The following DNAJC11 variants were observed in gnomAD, a reference collection of about 807,000 sequenced individuals.
DNAJC11 encodes DnaJ heat shock protein family (Hsp40) member C11.
DNAJC11 carries 15 observed loss-of-function variants against 78.6 expected under a neutral mutation model. The observed-to-expected ratio is 0.19, with a 90% CI of 0.13 to 0.29. DNAJC11 has a LOEUF of 0.29. Among genes scored for constraint, DNAJC11 ranks in the 10% least tolerant of loss-of-function variants. The pLI is 1.00. For synonymous variants in DNAJC11, 292 were observed against 272.1 expected (o/e 1.07, Z -0.72); for missense variants, 547 against 709.6 (o/e 0.77, Z 2.60).
chr1:6,682,797 G>A (rs527622755), intron 1 of DNAJC11, among the ~76,000 whole-genome samples: 6 of 152,226 alleles, frequency 3.9e-5, no homozygotes, highest in South Asian at 2.1e-4. Flanking sequence ...GCGTGGAGGC[G>A]CTTGCCTGTG....
intron 4 of DNAJC11, among the ~76,000 whole-genome samples, chr1:6,666,390 T>C (rs1354257662): frequency 3.8e-4 from 41 of 107,290 alleles, no homozygotes; most frequent in South Asian, 2.3e-3. Flanking sequence ...CTTTTCTTTT[T>C]TTTTTTTTTT....
chr1:6,646,097 GCTCCCAGT>G, intron 7 of DNAJC11, 119 bp from the exon 8 acceptor site: 2 of 993,108 alleles, frequency 2.0e-6, no homozygotes, highest in African/African-American at 1.6e-5. Context: ...CCCTGGGCCA[GCTCCCAGT>G]AAAAAAAAAA....
chr1:6,654,091 A>C (rs1358515514), intron 4 of DNAJC11, 52 bp from the exon 5 acceptor site: 1 of 1,599,512 alleles, frequency 6.3e-7, no homozygotes, highest in Non-Finnish European at 8.5e-7. Flanking sequence ...TGTGGAATGA[A>C]AGACAATGCT....
At chr1:6,643,499 T>A (rs1048089071) in intron 10 of DNAJC11, among the ~76,000 whole-genome samples, 1 of 151,908 alleles carries the variant, frequency 6.6e-6, no homozygotes, top group Non-Finnish European at 1.5e-5. Context: ...ATGGTCTCAA[T>A]CTCCTGACCT....
chr1:6,643,497 A>T (rs141211443), intron 10 of DNAJC11, among the ~76,000 whole-genome samples: 127 of 151,762 alleles, frequency 8.4e-4, no homozygotes, highest in African/African-American at 1.3e-3. Context: ...GGATGGTCTC[A>T]ATCTCCTGAC....
At chr1:6,649,102 C>G (rs1642012893) in intron 7 of DNAJC11, among the ~76,000 whole-genome samples, 1 of 152,204 alleles carries the variant, frequency 6.6e-6, no homozygotes, top group Admixed American at 6.5e-5. Context: ...AAGCAATCCT[C>G]CCACCTTGGC....
chr1:6,686,264 ATG>A (rs1642654110), intron 1 of DNAJC11, among the ~76,000 whole-genome samples: 1 of 152,244 alleles, frequency 6.6e-6, no homozygotes, highest in African/African-American at 2.4e-5. Context: ...TAACTTAAGA[ATG>A]TAATAACTTA....
intron 4 of DNAJC11, among the ~76,000 whole-genome samples, chr1:6,665,008 C>T (rs1205551935): frequency 2.6e-5 from 4 of 152,202 alleles, no homozygotes; most frequent in Non-Finnish European, 5.9e-5. Context: ...GCAAACCCCT[C>T]TGAGCTGAGG....
chr1:6,696,775 C>A (rs1642845645), intron 1 of DNAJC11, among the ~76,000 whole-genome samples: 1 of 152,182 alleles, frequency 6.6e-6, no homozygotes, highest in Non-Finnish European at 1.5e-5. Flanking sequence ...TTAACAACTT[C>A]ATTTTTTACT....
chr1:6,654,260 A>G lies in DNAJC11; in HGVS notation c.379-221T>C, dbSNP rs190765529. 4.7e-4 allele frequency: 208 copies of G among 438,962 alleles called. 1 individual carries two copies. Among genetic ancestry groups the G allele is most frequent in the Admixed American group, 4.6e-4 (12 of 26,166 alleles). The allele number at this position is 438,962 out of a possible 1,614,324, so 27.2% of individuals were successfully genotyped here. On this transcript the variant is annotated intron_variant, in intron 4 of 15. Coordinates refer to ENST00000377577, the MANE Select transcript of DNAJC11 (RefSeq NM_018198.4). ...CAGACGTCCAGAGCTAGAAAACATC[A>G]TTTGACCAGGAGAGCCGGTCCGCAT...
intron 1 of DNAJC11, among the ~76,000 whole-genome samples, chr1:6,689,898 G>T (rs909902533): frequency 6.6e-6 from 1 of 152,134 alleles, no homozygotes; most frequent in Admixed American, 6.5e-5. Flanking sequence ...GAGCTTTAAA[G>T]GCTTGTCAAT....
In DNAJC11 at chr1:6,634,718, C is replaced by T. The variant is rs773360027; in HGVS notation, c.*957G>A. ...GGAGGAAGGGTCTGAAGGAAGGCTC[C>T]GGAGCACAGGCCCTGGTGTTCCTGT... On this transcript the variant is annotated 3_prime_UTR_variant, in exon 16 of 16. Transcript: ENST00000377577. The T allele has an allele frequency of 1.4e-5, 19 of 1,362,392 alleles. No homozygotes were observed. Among genetic ancestry groups the T allele is most frequent in the East Asian group, 9.2e-5 (2 of 21,830 alleles). The allele number at this position is 1,362,392 out of a possible 1,614,324, so 84.4% of individuals were successfully genotyped here. A position where few individuals can be genotyped will look rare whatever the true frequency, so the allele number is the denominator to read the frequency against.
intron 7 of DNAJC11, among the ~76,000 whole-genome samples, chr1:6,648,029 C>A (rs889623509): frequency 6.6e-6 from 1 of 152,180 alleles, no homozygotes; most frequent in Non-Finnish European, 1.5e-5. Flanking sequence ...TGAGGCTCAA[C>A]CAGAACAAAA....
At position 6,678,459 on chromosome 1, in the gene DNAJC11, C is replaced by T. The variant is rs1367975669; in HGVS notation, c.211G>A (p.Asp71Asn). The T allele has an allele frequency of 1.2e-6, 2 of 1,611,098 alleles. No homozygotes were observed. The highest frequency in any genetic ancestry group is 2.7e-5 in the African/African-American group (2 of 74,644). ...LVHQAYEVLS[D>N]PQTRAIYDIY... ...TCATAGATGGCCCTGGTTTGGGGGT[C>T]ACTAAGCACTGCAAATTAAAAATTA... Residue 71 changes from aspartate (D) to asparagine (N), a missense_variant, in exon 3 of 16, where the codon GAC becomes AAC. Physicochemically the swap from Asp to Asn is conservative, Grantham distance 23. Transcript: ENST00000377577.
intron 3 of DNAJC11, among the ~76,000 whole-genome samples, chr1:6,673,006 G>A (rs1272211108): frequency 6.6e-6 from 1 of 151,872 alleles, no homozygotes; most frequent in Non-Finnish European, 1.5e-5. Context: ...GACCAGCCTG[G>A]CCAACATGGC....
At chr1:6,643,670 G>A (rs1214849058) in intron 10 of DNAJC11, among the ~76,000 whole-genome samples, 1 of 152,116 alleles carries the variant, frequency 6.6e-6, no homozygotes, top group Non-Finnish European at 1.5e-5. Context: ...CCTGGTGAGA[G>A]GGATGAACCG....
At chr1:6,655,089 G>T (rs545903089) in intron 4 of DNAJC11, among the ~76,000 whole-genome samples, 1 of 152,172 alleles carries the variant, frequency 6.6e-6, no homozygotes, top group East Asian at 1.9e-4. Context: ...GAGCCACCGC[G>T]CCCAGCTGGT....
At position 6,653,662 on chromosome 1, in the gene DNAJC11, C is replaced by A. The variant is rs948679902; in HGVS notation, c.507+249G>T. On this transcript the variant is annotated intron_variant, in intron 5 of 15. Transcript: ENST00000377577. This position sits in a 1 kb window ranked among gnomAD's most constrained non-coding sequence, Gnocchi z 4.5. ...TCTACTTCTCCCAGACCATTAACACCCTCTGCTGGAAAGGCCCAAGACCTT... is the reference window on the plus strand; with the variant it reads ...TCTACTTCTCCCAGACCATTAACACACTCTGCTGGAAAGGCCCAAGACCTT... 4 of 375,758 alleles carry A rather than the reference C, an allele frequency of 1.1e-5. No individual in the cohort carries two copies. The highest frequency in any genetic ancestry group is 2.1e-5 in the African/African-American group (1 of 47,706). The allele number at this position is 375,758 out of a possible 1,614,324, so 23.3% of individuals were successfully genotyped here.
Position 6,701,810 on chromosome 1 carries a change from C to T in DNAJC11, c.-10G>A. On this transcript the variant is annotated 5_prime_UTR_variant, in exon 1 of 16. Transcript: ENST00000377577. ...TCAAGGCCGTCGCCATCTTCGCAAC[C>T]TTTCACCCCGCCAAACCGGCAAGGC... 1.9e-6 allele frequency: 3 copies of T among 1,553,712 alleles called. No homozygotes were observed. The highest frequency in any genetic ancestry group is 5.2e-5 in the East Asian group (2 of 38,264).
Sources: allele counts gnomAD v4.1 joint callset (sites outside exome capture counted in the v4.1 genomes callset), GRCh38; gene constraint gnomAD v4.1.1; non-coding constraint Gnocchi (gnomAD v3.1); transcripts MANE v1.5; gene names NCBI Gene and HGNC (gene_info 2026-07-23, HGNC 2026-07-21).